VAV3: variants seen among roughly 807,000 people sequenced by gnomAD.
The protein encoded by VAV3 is vav guanine nucleotide exchange factor 3.
VAV3 carries 94 observed loss-of-function variants against 131.2 expected under a neutral mutation model. That is an observed-to-expected ratio of 0.72 (90% CI 0.61 to 0.85). The LOEUF is 0.85. VAV3 is among the 40% of genes least tolerant of loss of function. The probability of loss-of-function intolerance (pLI) is 0.00; values close to 1 mark genes in which losing one functional copy is unlikely to be tolerated. For missense variants in VAV3, 939 were observed against 1,002.7 expected (o/e 0.94, Z 0.86); for synonymous variants, 349 against 342.0 (o/e 1.02, Z -0.22).
At chr1:107,696,690 T>G (rs1266609961) in intron 17 of VAV3, among the ~76,000 whole-genome samples, 1 of 152,188 alleles carries the variant, frequency 6.6e-6, no homozygotes, top group African/African-American at 2.4e-5. Flanking sequence ...ATGTAAACAT[T>G]TGAGTTTGTC....
At chr1:107,801,093 T>C (rs1666808484) in intron 2 of VAV3, among the ~76,000 whole-genome samples, 1 of 152,176 alleles carries the variant, frequency 6.6e-6, no homozygotes, top group South Asian at 2.1e-4. Context: ...CCACTGTATG[T>C]TCTTGGAGCC....
intron 2 of VAV3, among the ~76,000 whole-genome samples, chr1:107,849,577 G>T (rs758924937): frequency 1.2e-4 from 18 of 151,162 alleles, no homozygotes; most frequent in Non-Finnish European, 2.5e-4. Flanking sequence ...CAAAAATTAA[G>T]ATGGATTAAA....
At chr1:107,901,276 A>C (rs1671843523) in intron 1 of VAV3, among the ~76,000 whole-genome samples, 1 of 152,192 alleles carries the variant, frequency 6.6e-6, no homozygotes, top group Admixed American at 6.5e-5. Flanking sequence ...GGTGGTTCCT[A>C]AATTATACAC....
chr1:107,834,648 C>T (rs1571017491), intron 2 of VAV3, among the ~76,000 whole-genome samples: 2 of 151,352 alleles, frequency 1.3e-5, no homozygotes, highest in African/African-American at 4.8e-5. Flanking sequence ...CAGGAAGCCC[C>T]TCTCCCACCA....
chr1:107,834,630 G>A (rs1668392714), intron 2 of VAV3, among the ~76,000 whole-genome samples: 1 of 151,508 alleles, frequency 6.6e-6, no homozygotes, highest in African/African-American at 2.4e-5. Context: ...TGGCCAACTA[G>A]ATGCAGCCAG....
intron 25 of VAV3, among the ~76,000 whole-genome samples, chr1:107,583,307 G>T (rs1353266204): frequency 2.6e-5 from 4 of 152,178 alleles, no homozygotes; most frequent in African/African-American, 9.7e-5. Context: ...AGATCATACT[G>T]AATGCGAAAA....
intron 1 of VAV3, among the ~76,000 whole-genome samples, chr1:107,906,886 G>A (rs1571123230): frequency 6.6e-6 from 1 of 152,176 alleles, no homozygotes; most frequent in East Asian, 1.9e-4. Context: ...CTGTTCCCTG[G>A]CTTGGAAAGT....
intron 1 of VAV3, among the ~76,000 whole-genome samples, chr1:107,956,645 G>A (rs75538008): frequency 0.024 from 3,642 of 152,120 alleles, 75 homozygotes; most frequent in South Asian, 0.11. Context: ...TGTAGGACCC[G>A]TAAAAGCACT....
intron 19 of VAV3, among the ~76,000 whole-genome samples, chr1:107,653,539 G>C (rs1268103700): frequency 1.3e-5 from 2 of 151,888 alleles, no homozygotes; most frequent in Non-Finnish European, 2.9e-5. Flanking sequence ...GTAACTCTAA[G>C]GTTTAGTCCC....
intron 19 of VAV3, chr1:107,672,018 A>T (rs981325225): frequency 3.9e-5 from 6 of 152,228 alleles, no homozygotes; most frequent in Non-Finnish European, 8.8e-5. Context: ...CTGTAATCCC[A>T]GCACGCCGCA....
chr1:107,720,232 A>G, intron 15 of VAV3, among the ~76,000 whole-genome samples: 1 of 151,716 alleles, frequency 6.6e-6, no homozygotes. Flanking sequence ...ATAAATAAAA[A>G]ATTAGCCACG....
At chr1:107,827,284 C>CA (rs1388048032) in intron 2 of VAV3, among the ~76,000 whole-genome samples, 1 of 152,130 alleles carries the variant, frequency 6.6e-6, no homozygotes, top group Non-Finnish European at 1.5e-5. Flanking sequence ...CTTCCCTTCT[C>CA]TCAAATCCCT....
intron 3 of VAV3, among the ~76,000 whole-genome samples, chr1:107,778,190 C>T (rs1395538243): frequency 6.6e-6 from 1 of 152,104 alleles, no homozygotes; most frequent in East Asian, 1.9e-4. Flanking sequence ...TTCACATTGA[C>T]TTATGGATTA....
chr1:107,806,642 C>A (rs1667070272), intron 2 of VAV3, among the ~76,000 whole-genome samples: 2 of 152,122 alleles, frequency 1.3e-5, no homozygotes, highest in Non-Finnish European at 2.9e-5. Flanking sequence ...GCACAGTGAA[C>A]AATCCTAACC....
At chr1:107,960,838 T>C (rs1675048945) in intron 1 of VAV3, among the ~76,000 whole-genome samples, 1 of 152,170 alleles carries the variant, frequency 6.6e-6, no homozygotes, top group Non-Finnish European at 1.5e-5. Context: ...CTTGACTACC[T>C]TCTATAAAAT....
At chr1:107,919,837 A>T (rs1177557253) in intron 1 of VAV3, among the ~76,000 whole-genome samples, 1 of 152,132 alleles carries the variant, frequency 6.6e-6, no homozygotes, top group East Asian at 1.9e-4. Flanking sequence ...AAAATTAATT[A>T]AAGAAAAGAA....
At chr1:107,752,702 T>A (rs1663810171) in intron 12 of VAV3, among the ~76,000 whole-genome samples, 1 of 152,146 alleles carries the variant, frequency 6.6e-6, no homozygotes, top group Non-Finnish European at 1.5e-5. Context: ...AAAGACAATA[T>A]TCAACATCAT....
At chr1:107,678,608 A>G (rs1438748848) in intron 19 of VAV3, among the ~76,000 whole-genome samples, 1 of 152,168 alleles carries the variant, frequency 6.6e-6, no homozygotes, top group African/African-American at 2.4e-5. Context: ...AAGCAAATCT[A>G]AAAGAAATCA....
intron 2 of VAV3, among the ~76,000 whole-genome samples, chr1:107,852,963 G>T (rs1252250096): frequency 6.6e-6 from 1 of 151,520 alleles, no homozygotes; most frequent in Non-Finnish European, 1.5e-5. Flanking sequence ...GAAAAGATTT[G>T]CCTATCTAAT....
Sources: allele counts gnomAD v4.1 joint callset (sites outside exome capture counted in the v4.1 genomes callset), GRCh38; gene constraint gnomAD v4.1.1; transcripts MANE v1.5; gene names NCBI Gene and HGNC (gene_info 2026-07-23, HGNC 2026-07-21).